ARB2A: variants seen among roughly 807,000 people sequenced by gnomAD.
The protein encoded by ARB2A is ARB2 cotranscriptional regulator A.
chr5:94,006,413 A>G, the ARB2A span, among the ~76,000 whole-genome samples: 1 of 152,204 alleles, frequency 6.6e-6, no homozygotes, highest in Non-Finnish European at 1.5e-5. Flanking sequence ...CTATAAAAGG[A>G]CAATATAAGA....
the ARB2A span, among the ~76,000 whole-genome samples, chr5:93,948,132 G>A: frequency 6.6e-6 from 1 of 152,180 alleles, no homozygotes; most frequent in African/African-American, 2.4e-5. Context: ...CCCAACAACA[G>A]TGTAAAAGTG....
the ARB2A span, among the ~76,000 whole-genome samples, chr5:93,997,223 C>A: frequency 6.6e-6 from 1 of 151,962 alleles, no homozygotes; most frequent in Non-Finnish European, 1.5e-5. Context: ...GTTGTTTGAG[C>A]ACCTTGTCAG....
chr5:93,664,091 G>A, the ARB2A span, among the ~76,000 whole-genome samples: 5 of 151,328 alleles, frequency 3.3e-5, no homozygotes, highest in South Asian at 2.1e-4. Context: ...CTTTTTTAGC[G>A]GTAGGGTCTT....
the ARB2A span, among the ~76,000 whole-genome samples, chr5:93,903,445 A>G: frequency 3.3e-5 from 5 of 152,078 alleles, no homozygotes; most frequent in Non-Finnish European, 7.4e-5. Flanking sequence ...AGTCATATAC[A>G]TGTAAAAACA....
At chr5:93,881,459 A>C in the ARB2A span, 1 of 1,580,398 alleles carries the variant, frequency 6.3e-7, no homozygotes, top group Non-Finnish European at 8.7e-7. Context: ...GAAAGTAGTG[A>C]TCTCACTCAC....
the ARB2A span, chr5:93,741,219 C>T: frequency 4.3e-6 from 7 of 1,613,822 alleles, no homozygotes; most frequent in South Asian, 1.1e-5. Flanking sequence ...TGTCCTCTGG[C>T]GGCGGCAACT....
the ARB2A span, among the ~76,000 whole-genome samples, chr5:93,749,482 C>T: frequency 6.6e-6 from 1 of 152,080 alleles, no homozygotes; most frequent in South Asian, 2.1e-4. Context: ...CAAAACTATG[C>T]AAAGTGAAGA....
the ARB2A span, among the ~76,000 whole-genome samples, chr5:93,917,250 G>A: frequency 6.6e-6 from 1 of 152,122 alleles, no homozygotes; most frequent in East Asian, 1.9e-4. Context: ...TATTGCTACA[G>A]TGCAGTACAG....
chr5:93,691,726 CA>C, the ARB2A span, among the ~76,000 whole-genome samples: 1 of 151,890 alleles, frequency 6.6e-6, no homozygotes, highest in Middle Eastern at 3.4e-3. Flanking sequence ...ACATAATTGT[CA>C]GATTCACCAA....
chr5:93,755,088 C>A, the ARB2A span, among the ~76,000 whole-genome samples: 1 of 152,006 alleles, frequency 6.6e-6, no homozygotes, highest in African/African-American at 2.4e-5. Flanking sequence ...TTCTAAAATG[C>A]CTAATGGGAG....
At chr5:93,853,325 T>C in the ARB2A span, among the ~76,000 whole-genome samples, 1 of 152,244 alleles carries the variant, frequency 6.6e-6, no homozygotes, top group Non-Finnish European at 1.5e-5. Flanking sequence ...GAGACTTTGC[T>C]GAAGTTGCTT....
At chr5:93,874,457 G>A in the ARB2A span, among the ~76,000 whole-genome samples, 1 of 152,168 alleles carries the variant, frequency 6.6e-6, no homozygotes, top group Non-Finnish European at 1.5e-5. Flanking sequence ...ACACACTGAT[G>A]TGCAGCTGGG....
chr5:93,911,335 A>AT, the ARB2A span, among the ~76,000 whole-genome samples: 1 of 151,804 alleles, frequency 6.6e-6, no homozygotes, highest in East Asian at 1.9e-4. Flanking sequence ...ATCGGAATAC[A>AT]TTTTGTCAAG....
the ARB2A span, chr5:93,620,935 A>G: frequency 6.3e-7 from 1 of 1,593,746 alleles, no homozygotes; most frequent in Non-Finnish European, 8.5e-7. Context: ...AGCAGTGAGG[A>G]GGCGTGCGGG....
At chr5:93,768,983 C>A in the ARB2A span, among the ~76,000 whole-genome samples, 1 of 151,828 alleles carries the variant, frequency 6.6e-6, no homozygotes, top group Non-Finnish European at 1.5e-5. Flanking sequence ...AAAACAAAAA[C>A]AATATAACTA....
the ARB2A span, among the ~76,000 whole-genome samples, chr5:94,016,029 A>T: frequency 6.6e-6 from 1 of 152,168 alleles, no homozygotes; most frequent in Non-Finnish European, 1.5e-5. Flanking sequence ...CCAATTATAT[A>T]CTGTCTACAA....
the ARB2A span, among the ~76,000 whole-genome samples, chr5:93,963,012 CCTAGAA>C: frequency 2.6e-5 from 4 of 151,920 alleles, no homozygotes; most frequent in Middle Eastern, 3.4e-3. Context: ...TTAAGGGTTC[CCTAGAA>C]CTAGAAGTAT....
At chr5:93,875,869 G>A in the ARB2A span, among the ~76,000 whole-genome samples, 3 of 151,790 alleles carry the variant, frequency 2.0e-5, no homozygotes, top group East Asian at 3.9e-4. Context: ...AGCAAAATCC[G>A]ATATGAACAG....
At chr5:94,031,503 G>C in the ARB2A span, among the ~76,000 whole-genome samples, 2 of 152,174 alleles carry the variant, frequency 1.3e-5, no homozygotes, top group African/African-American at 4.8e-5. Context: ...AAAGCAGTTA[G>C]AAGTAACTTC....
Sources: gnomAD v4.1 joint callset for allele counts (sites outside exome capture counted in the v4.1 genomes callset) on GRCh38, gnomAD v4.1.1 for gene constraint, MANE v1.5 for transcripts, NCBI Gene and HGNC (gene_info 2026-07-23, HGNC 2026-07-21) for gene names.